Variants in HCN2 observed in about 807,000 individuals in gnomAD.
The protein encoded by HCN2 is potassium/sodium hyperpolarization-activated cyclic nucleotide-gated channel 2.
In HCN2, 20 loss-of-function variants were observed where a neutral mutation model predicts 52.3. That is an observed-to-expected ratio of 0.38 (90% CI 0.27 to 0.56). HCN2 has a LOEUF of 0.56. Among genes scored for constraint, HCN2 ranks in the 20% least tolerant of loss-of-function variants. The probability of loss-of-function intolerance (pLI) is 0.71; values close to 1 mark genes in which losing one functional copy is unlikely to be tolerated. For missense variants in HCN2, 981 were observed against 1,207.7 expected (o/e 0.81, Z 2.78); for synonymous variants, 694 against 537.0 (o/e 1.29, Z -4.04).
intron 1 of HCN2, among the ~76,000 whole-genome samples, chr19:594,448 G>A (rs1438917045): frequency 6.6e-6 from 1 of 152,154 alleles, no homozygotes; most frequent in East Asian, 1.9e-4. Flanking sequence ...TTCAGCTGGG[G>A]AGGCCCCGTG....
In HCN2 at chr19:590,259, G is replaced by A; in HGVS notation, c.314G>A (p.Gly105Asp). The change falls in exon 1 of 8, where the codon GGC (glycine) becomes GAC (aspartate). Residue 105 changes from glycine to aspartate, a missense_variant. This residue lies in a region of HCN2 where 215 missense variants were observed against 179.4 expected (regional missense o/e 1.20). Transcript: ENST00000251287. The surrounding 1 kb of genome is among the most constrained non-coding windows in gnomAD (Gnocchi z 7.2). ...AGCCCGAACGGCGAGTGCGGGCGCG[G>A]CGAGCCGCAGTGCAGCCCCGCGGGG... is the stretch of plus-strand genomic sequence containing the variant. The part of the protein sequence containing the change: ...KGSPNGECGR[G>D]EPQCSPAGPE... The A allele has an allele frequency of 2.0e-6, 2 of 989,564 alleles. No individual in the cohort carries two copies. The highest frequency in any genetic ancestry group is 8.7e-5 in the South Asian group (2 of 22,912). 61.3% of individuals were successfully genotyped at this position (989,564 alleles called of 1,614,324 possible). A position where few individuals can be genotyped will look rare whatever the true frequency, so the allele number is the denominator to read the frequency against.
At chr19:608,744 G>T (rs1983509339) in intron 4 of HCN2, among the ~76,000 whole-genome samples, 1 of 152,144 alleles carries the variant, frequency 6.6e-6, no homozygotes, top group East Asian at 1.9e-4. Context: ...CTCAGGATGG[G>T]GCTGGGTTAG....
rs748730111 is a variant in HCN2, at chr19:615,993, T to G, written c.2189T>G (p.Leu730Arg). 3 of 1,572,236 alleles carry G rather than the reference T, an allele frequency of 1.9e-6. No homozygotes were observed. Among genetic ancestry groups the G allele is most frequent in the Non-Finnish European group, 1.7e-6 (2 of 1,164,422 alleles). Residue 730 changes from leucine (L) to arginine (R), a missense_variant, in exon 8 of 8, where the codon CTG becomes CGG. By Grantham distance (102) the Leu-to-Arg change is moderately radical. Transcript: ENST00000251287. ...PPQVTSAIAT[L>R]QQAAAMSFCP... ...CAGGTCACCTCGGCCATCGCCACGC[T>G]GCAGCAGGCGGCGGCCATGAGCTTC...
intron 1 of HCN2, among the ~76,000 whole-genome samples, chr19:601,903 G>C (rs1410560737): frequency 2.0e-5 from 3 of 151,994 alleles, no homozygotes; most frequent in Admixed American, 2.0e-4. Context: ...TCCACCTTGG[G>C]GACTTGGACT....
At chr19:595,113 G>A (rs938479586) in intron 1 of HCN2, among the ~76,000 whole-genome samples, 3 of 152,040 alleles carry the variant, frequency 2.0e-5, no homozygotes, top group African/African-American at 4.8e-5. Context: ...GAGGCGGGAG[G>A]ATCACCTGAG....
rs1276664888 is a variant in HCN2 at position 613,512 on chromosome 19, G to A, written c.1825+24G>A. 4 of 1,094,644 alleles carry A rather than the reference G, an allele frequency of 3.7e-6. No homozygotes were observed. In the African/African-American group the frequency reaches 4.7e-5, roughly 13 times the overall value. The allele number at this position is 1,094,644 out of a possible 1,614,324, so 67.8% of individuals were successfully genotyped here. A position where few individuals can be genotyped will look rare whatever the true frequency, so the allele number is the denominator to read the frequency against. On this transcript the variant is annotated intron_variant, in intron 6 of 7. Coordinates refer to ENST00000251287, the MANE Select transcript of HCN2 (RefSeq NM_001194.4). Reference sequence around the variant, plus strand: ...GGGTGAGCTTGAGGGGGGCGCGCCTGGAGGGGGAGGGGGCACGCGACCCCC... The same window carrying A: ...GGGTGAGCTTGAGGGGGGCGCGCCTAGAGGGGGAGGGGGCACGCGACCCCC...
At chr19:600,950 A>ACCCCCGG (rs1267863967) in intron 1 of HCN2, among the ~76,000 whole-genome samples, 1 of 150,490 alleles carries the variant, frequency 6.6e-6, no homozygotes, top group East Asian at 2.0e-4. Context: ...CACCCCTCCA[A>ACCCCCGG]CCCCCGGCCC....
In HCN2 at chr19:594,129, G is replaced by T. The variant is rs977658952; in HGVS notation, c.632+3552G>T. Among the ~76,000 whole-genome samples, 8 of 151,756 alleles carry T rather than the reference G, an allele frequency of 5.3e-5. 1 individual carries two copies. Among genetic ancestry groups the T allele is most frequent in the African/African-American group, 1.9e-4 (8 of 41,116 alleles). On this transcript the variant is annotated intron_variant, in intron 1 of 7. Transcript: ENST00000251287. ...AGGGTGTCTCCGCAGGAGAGGGGCT[G>T]GGGCTGGAGGGGACACGAAGGCCCA...
rs1027363465 is a variant in HCN2, at chr19:590,746, C to G, written c.632+169C>G. ...GGGACCCGCCCCGGAGTGACCCCGGCGCGCGAGGCTCCGCCTCTGGGGGGG... is the reference window on the plus strand; with the variant it reads ...GGGACCCGCCCCGGAGTGACCCCGGGGCGCGAGGCTCCGCCTCTGGGGGGG... On this transcript the variant is annotated intron_variant, in intron 1 of 7. Coordinates refer to ENST00000251287, the MANE Select transcript of HCN2 (RefSeq NM_001194.4). This position sits in a 1 kb window ranked among gnomAD's most constrained non-coding sequence, Gnocchi z 7.2. 6 of 390,784 alleles carry G rather than the reference C, an allele frequency of 1.5e-5. No homozygotes were observed. The highest frequency in any genetic ancestry group is 2.5e-5 in the Non-Finnish European group (6 of 238,892). 24.2% of individuals were successfully genotyped at this position (390,784 alleles called of 1,614,324 possible). A position where few individuals can be genotyped will look rare whatever the true frequency, so the allele number is the denominator to read the frequency against.
At chr19:612,733 CTTTTTT>C (rs113702582) in intron 5 of HCN2, among the ~76,000 whole-genome samples, 66 of 141,740 alleles carry the variant, frequency 4.7e-4, no homozygotes, top group Non-Finnish European at 8.0e-4. Context: ...CCCCCATTTT[CTTTTTT>C]TTTTTTTTTG....
chr19:605,255 C>T (rs12977789), intron 3 of HCN2, 33 bp downstream of exon 3: 530,720 of 1,454,932 alleles, frequency 0.36, 115,876 homozygotes, highest in African/African-American at 0.77. Flanking sequence ...GAGGGGGAGA[C>T]GCAGGCTCCC....
chr19:593,110 C>G, intron 1 of HCN2, among the ~76,000 whole-genome samples: 1 of 152,238 alleles, frequency 6.6e-6, no homozygotes, highest in Non-Finnish European at 1.5e-5. Context: ...ACGCCCTCAC[C>G]CCGGTTCTTC....
At chr19:598,726 C>A (rs1319920757) in intron 1 of HCN2, among the ~76,000 whole-genome samples, 1 of 152,214 alleles carries the variant, frequency 6.6e-6, no homozygotes, top group Non-Finnish European at 1.5e-5. Context: ...CTCAGCCTCC[C>A]GAGTAGCTGG....
chr19:593,705 G>A (rs906216934), intron 1 of HCN2, among the ~76,000 whole-genome samples: 6 of 152,190 alleles, frequency 3.9e-5, no homozygotes, highest in South Asian at 2.1e-4. Flanking sequence ...CCGGCCTGAC[G>A]TCTGAAAGTC....
At chr19:614,848 T>C (rs10426120) in intron 7 of HCN2, among the ~76,000 whole-genome samples, 1 of 152,044 alleles carries the variant, frequency 6.6e-6, no homozygotes, top group African/African-American at 2.4e-5. Context: ...GGCAGAGCCC[T>C]GATGACTGGA....
At chr19:601,522 C>T (rs1324639993) in intron 1 of HCN2, among the ~76,000 whole-genome samples, 4 of 145,620 alleles carry the variant, frequency 2.7e-5, no homozygotes, top group Middle Eastern at 3.2e-3. Context: ...GTGAACACAG[C>T]GGAGTGGTCG....
At chr19:593,555 G>A (rs1033179684) in intron 1 of HCN2, among the ~76,000 whole-genome samples, 2 of 152,214 alleles carry the variant, frequency 1.3e-5, no homozygotes, top group Non-Finnish European at 2.9e-5. Flanking sequence ...AGGAGGCAGA[G>A]GTTGCAGTGA....
chr19:612,951 A>C (rs1294377801), intron 5 of HCN2, among the ~76,000 whole-genome samples: 1 of 151,808 alleles, frequency 6.6e-6, no homozygotes, highest in African/African-American at 2.4e-5. Flanking sequence ...AAATGCTGAG[A>C]TCACACGCGT....
intron 5 of HCN2, among the ~76,000 whole-genome samples, chr19:612,427 T>TGAGAGAGAGA (rs1555731835): frequency 2.2e-4 from 31 of 142,358 alleles, no homozygotes; most frequent in African/African-American, 6.3e-4. Context: ...TGTGTGTGTG[T>TGAGAGAGAGA]GAGAGAGAGA....
Sources: allele counts gnomAD v4.1 joint callset (sites outside exome capture counted in the v4.1 genomes callset), GRCh38; gene constraint gnomAD v4.1.1; regional missense constraint gnomAD v4.1.1; non-coding constraint Gnocchi (gnomAD v3.1); transcripts MANE v1.5; gene names NCBI Gene and HGNC (gene_info 2026-07-23, HGNC 2026-07-21).